The following TXLNB variants were observed in gnomAD, a reference collection of about 807,000 sequenced individuals.
The protein encoded by TXLNB is taxilin beta, also known as beta-taxilin.
A neutral mutation model predicts 57.4 loss-of-function variants in TXLNB; 37 were observed. The observed-to-expected ratio is 0.64, with a 90% CI of 0.50 to 0.85. The LOEUF (loss-of-function observed/expected upper bound fraction) is 0.85. Among genes scored for constraint, TXLNB ranks in the 40% least tolerant of loss-of-function variants. The pLI, the probability that TXLNB is intolerant of heterozygous loss-of-function variation, is 0.00. For missense variants in TXLNB, 848 were observed against 825.6 expected, an observed-to-expected ratio of 1.03 and a Z score of -0.33; for synonymous variants, 302 against 309.6, an observed-to-expected ratio of 0.98 and a Z score of 0.26.
intron 6 of TXLNB, 118 bp downstream of exon 6, chr6:139,260,200 A>G: frequency 8.2e-7 from 1 of 1,218,422 alleles, no homozygotes; most frequent in Non-Finnish European, 1.1e-6. Flanking sequence ...AGCCTGAATG[A>G]CAGAACGAGA....
At chr6:139,166,592 G>A in the TXLNB span, 1 of 1,614,120 alleles carries the variant, frequency 6.2e-7, no homozygotes, top group East Asian at 2.2e-5. Context: ...CTGGTATCAG[G>A]TGAAGCGGAT....
At chr6:139,296,835 T>G (rs146281504), upstream of TXLNB, among the ~76,000 whole-genome samples, 485 of 152,242 alleles carry the variant, frequency 3.2e-3, no homozygotes, top group African/African-American at 0.011. Flanking sequence ...GAGGATCATT[T>G]GAATGCAGGA....
chr6:139,203,995 C>CTCTCTAT, the TXLNB span, among the ~76,000 whole-genome samples: 1 of 152,002 alleles, frequency 6.6e-6, no homozygotes, highest in South Asian at 2.1e-4. Context: ...TCAAGTGCAT[C>CTCTCTAT]TCTCTATTCT....
downstream of TXLNB, among the ~76,000 whole-genome samples, chr6:139,236,939 A>G (rs537174997): frequency 2.6e-5 from 4 of 152,288 alleles, no homozygotes; most frequent in Middle Eastern, 0.01. Flanking sequence ...AGAAACACAA[A>G]TAAGAAAACA....
chr6:139,181,171 G>A, the TXLNB span, among the ~76,000 whole-genome samples: 19 of 152,278 alleles, frequency 1.2e-4, no homozygotes, highest in Admixed American at 6.5e-4. Context: ...AACTTAAGTC[G>A]TCCTGATTTC....
rs9495392 is a variant in TXLNB, at chr6:139,243,001, A to G, written c.1580T>C (p.Ile527Thr). The G allele has an allele frequency of 1.2e-3, 1,896 of 1,613,852 alleles. 19 individuals carry two copies. In the African/African-American group the frequency reaches 0.022, roughly 18 times the overall value. Residue 527 changes from isoleucine to threonine, a missense_variant, in exon 10 of 10, where the codon ATA becomes ACA. Coordinates refer to ENST00000358430, the MANE Select transcript of TXLNB (RefSeq NM_153235.4). ...GTCAGCACTCTCCTGAGAACTGCCT[A>G]TTTCGGGTTGGGTTTCTTTGGACTG... ...PHQSKETQPE[I>T]GSSQESADAA...
At chr6:139,268,862 G>C (rs1483888180) in intron 4 of TXLNB, 1 of 152,140 alleles carries the variant, frequency 6.6e-6, no homozygotes, top group Non-Finnish European at 1.5e-5. Context: ...TGGTGGGGGA[G>C]AATCTCTAGC....
At chr6:139,176,665 G>C in the TXLNB span, among the ~76,000 whole-genome samples, 2 of 152,168 alleles carry the variant, frequency 1.3e-5, no homozygotes, top group Non-Finnish European at 2.9e-5. The surrounding 1 kb of genome is among the most constrained non-coding windows in gnomAD (Gnocchi z 4.5). Context: ...AAATCCAGGG[G>C]GAGGGGTTTC....
At chr6:139,209,724 G>C in the TXLNB span, among the ~76,000 whole-genome samples, 1 of 152,142 alleles carries the variant, frequency 6.6e-6, no homozygotes, top group Non-Finnish European at 1.5e-5. Flanking sequence ...ACTCAGGGTG[G>C]ATCAAAGACT....
chr6:139,272,284 G>A (rs1776784883), intron 3 of TXLNB, among the ~76,000 whole-genome samples: 1 of 152,058 alleles, frequency 6.6e-6, no homozygotes, highest in South Asian at 2.1e-4. Flanking sequence ...TCCAGCCTGG[G>A]CAACAGAGCA....
At chr6:139,317,382 A>G in the TXLNB span, among the ~76,000 whole-genome samples, 2 of 151,498 alleles carry the variant, frequency 1.3e-5, no homozygotes, top group Non-Finnish European at 2.9e-5. Flanking sequence ...CCTATATATT[A>G]GAGTTATAAA....
At chr6:139,244,396 T>A (rs1776023966) in intron 9 of TXLNB, among the ~76,000 whole-genome samples, 199 bp downstream of exon 9, 1 of 152,192 alleles carries the variant, frequency 6.6e-6, no homozygotes, top group African/African-American at 2.4e-5. Context: ...ACAAAACTCT[T>A]TCTGAGTCTG....
At chr6:139,220,104 C>G in the TXLNB span, among the ~76,000 whole-genome samples, 3 of 152,148 alleles carry the variant, frequency 2.0e-5, no homozygotes, top group Non-Finnish European at 4.4e-5. Context: ...GGGTGGACCC[C>G]TCATGAATGG....
intron 7 of TXLNB, among the ~76,000 whole-genome samples, chr6:139,250,486 G>GCTAC (rs1475977749): frequency 2.6e-5 from 4 of 151,704 alleles, no homozygotes; most frequent in Non-Finnish European, 4.4e-5. Flanking sequence ...CTGGGGACTG[G>GCTAC]CTACCTATCC....
At chr6:139,226,639 T>C in the TXLNB span, among the ~76,000 whole-genome samples, 2 of 152,034 alleles carry the variant, frequency 1.3e-5, no homozygotes, top group South Asian at 2.1e-4. Context: ...GAAAAAAACA[T>C]CATGAATATG....
the TXLNB span, among the ~76,000 whole-genome samples, chr6:139,231,505 ATGT>A: frequency 6.6e-6 from 1 of 152,158 alleles, no homozygotes; most frequent in Non-Finnish European, 1.5e-5. Flanking sequence ...CCCTCAATGT[ATGT>A]TGAATAAATC....
At chr6:139,166,930 T>A in the TXLNB span, 2 of 1,614,122 alleles carry the variant, frequency 1.2e-6, no homozygotes, top group Non-Finnish European at 1.7e-6. Context: ...ATCTGGAGCC[T>A]CACAAGAAGG....
In TXLNB at chr6:139,264,409, G is replaced by A. The variant is rs926624253; in HGVS notation, c.688-1636C>T. Among the ~76,000 whole-genome samples, 3 of 151,752 alleles carry A rather than the reference G, an allele frequency of 2.0e-5. No individual in the cohort carries two copies. The South Asian group carries it at 6.2e-4, about 32-fold the overall frequency. ...GAAACACCCCATGCAAGTCTGAGTT[G>A]TTGTTTTTTTTTTAATTGGGAACTG... On this transcript the variant is annotated intron_variant, in intron 4 of 9. Transcript: ENST00000358430.
At chr6:139,238,576 G>A (rs1292119152), downstream of TXLNB, among the ~76,000 whole-genome samples, 3 of 152,120 alleles carry the variant, frequency 2.0e-5, no homozygotes, top group Admixed American at 6.5e-5. Flanking sequence ...GAGACTTAAC[G>A]TCAGTATTGA....
Sources: allele counts gnomAD v4.1 joint callset (sites outside exome capture counted in the v4.1 genomes callset), GRCh38; gene constraint gnomAD v4.1.1; non-coding constraint Gnocchi (gnomAD v3.1); transcripts MANE v1.5; gene names NCBI Gene and HGNC (gene_info 2026-07-23, HGNC 2026-07-21).